ATP8B4: variants seen among roughly 807,000 people sequenced by gnomAD.
The protein encoded by ATP8B4 is ATPase phospholipid transporting 8B4 (putative), also known as probable phospholipid-transporting ATPase IM.
In ATP8B4, 133 loss-of-function variants were observed where a neutral mutation model predicts 145.6. The ratio of observed to expected loss-of-function variants is 0.91; its 90% CI spans 0.79 to 1.05. ATP8B4 has a LOEUF of 1.05. ATP8B4 is among the 50% of genes least tolerant of loss of function. The probability of loss-of-function intolerance (pLI) is 0.00; values close to 1 mark genes in which losing one functional copy is unlikely to be tolerated. For synonymous variants in ATP8B4, 507 were observed against 492.9 expected, an observed-to-expected ratio of 1.03 and a Z score of -0.38; for missense variants, 1,458 against 1,425.2, an observed-to-expected ratio of 1.02 and a Z score of -0.37.
chr15:50,101,246 T>G (rs1288347822), intron 2 of ATP8B4, among the ~76,000 whole-genome samples: 1 of 152,044 alleles, frequency 6.6e-6, no homozygotes, highest in Non-Finnish European at 1.5e-5. Flanking sequence ...GTGATGATAA[T>G]GTGGGTATGC....
intron 1 of ATP8B4, among the ~76,000 whole-genome samples, chr15:50,179,846 A>G (rs2140885557): frequency 6.6e-6 from 1 of 152,334 alleles, no homozygotes; most frequent in Non-Finnish European, 1.5e-5. Flanking sequence ...TGTTGTTTAT[A>G]AACTACCCAG....
intron 6 of ATP8B4, among the ~76,000 whole-genome samples, chr15:50,035,638 T>G (rs1183524997): frequency 6.6e-6 from 1 of 152,196 alleles, no homozygotes; most frequent in African/African-American, 2.4e-5. Flanking sequence ...AATAAACGTG[T>G]TGAATCTGAA....
Position 49,866,368 on chromosome 15 carries a change from G to A in ATP8B4, c.3144C>T (p.Phe1048=). 2 of 1,614,010 alleles carry A rather than the reference G, an allele frequency of 1.2e-6. No homozygotes were observed. Among genetic ancestry groups the A allele is most frequent in the Non-Finnish European group, 1.7e-6 (2 of 1,179,882 alleles). The change falls in exon 26 of 28, where the codon TTC becomes TTT. Residue 1048 remains phenylalanine (F), a synonymous_variant. Coordinates refer to ENST00000284509, the MANE Select transcript of ATP8B4 (RefSeq NM_024837.4). ...TMHSNGIFGI[F]PNQFPFVGNA... ...TACCAACAAATGGAAACTGGTTTGGGAAGATGCCAAAGATGCCATTACTGT... is the reference window on the plus strand; with the variant it reads ...TACCAACAAATGGAAACTGGTTTGGAAAGATGCCAAAGATGCCATTACTGT...
At chr15:49,915,293 A>C (rs1239461777) in intron 20 of ATP8B4, among the ~76,000 whole-genome samples, 2 of 152,294 alleles carry the variant, frequency 1.3e-5, no homozygotes, top group South Asian at 2.1e-4. Context: ...GATACCAGAC[A>C]CTAGGAAGGT....
At chr15:50,117,036 GTTTTTTA>G in intron 1 of ATP8B4, among the ~76,000 whole-genome samples, 1 of 151,896 alleles carries the variant, frequency 6.6e-6, no homozygotes, top group South Asian at 2.1e-4. Context: ...ATTAAGTTTT[GTTTTTTA>G]TTTTTTATTT....
At chr15:50,113,838 C>CAAAAAAAAAAAAAAAAAAAAA (rs67648465) in intron 1 of ATP8B4, among the ~76,000 whole-genome samples, 1 of 67,274 alleles carries the variant, frequency 1.5e-5, no homozygotes, top group African/African-American at 6.5e-5. Context: ...AACTCCATCT[C>CAAAAAAAAAAAAAAAAAAAAA]AAAAAAAAAA....
At chr15:50,150,043 G>A (rs2044327432) in intron 1 of ATP8B4, among the ~76,000 whole-genome samples, 1 of 151,986 alleles carries the variant, frequency 6.6e-6, no homozygotes, top group Admixed American at 6.5e-5. Context: ...GGAGGTTGCA[G>A]TGAGCCAAGA....
rs1476222913 is a variant in ATP8B4, at chr15:49,918,947, G to A, written c.1927C>T (p.Leu643=). 1 of 1,605,904 alleles carries A rather than the reference G, an allele frequency of 6.2e-7. No individual in the cohort carries two copies. Among genetic ancestry groups the A allele is most frequent in the Non-Finnish European group, 8.5e-7 (1 of 1,174,620 alleles). Residue 643 remains leucine, a synonymous_variant, in exon 19 of 28, where the codon CTA becomes TTA. Coordinates refer to ENST00000284509, the MANE Select transcript of ATP8B4 (RefSeq NM_024837.4). ...TTATCTTCTACAGCAGTGGCACCTA[G>A]TAGCTTTATTGAAAAAGAGAGAAAA... The part of the protein sequence containing the change: ...YEEIERDLML[L]GATAVEDKLQ...
intron 2 of ATP8B4, among the ~76,000 whole-genome samples, chr15:50,104,289 C>A (rs1014006408): frequency 2.0e-5 from 3 of 151,992 alleles, no homozygotes; most frequent in Admixed American, 2.0e-4. Flanking sequence ...AGCCAATAGA[C>A]AACCCACAGT....
intron 10 of ATP8B4, among the ~76,000 whole-genome samples, chr15:49,983,704 G>A (rs2046352991): frequency 1.3e-5 from 2 of 152,146 alleles, no homozygotes; most frequent in Non-Finnish European, 2.9e-5. Flanking sequence ...ACTTACAATG[G>A]CGTCCCTAAG....
At chr15:49,874,860 T>A (rs1330324055) in intron 25 of ATP8B4, among the ~76,000 whole-genome samples, 1 of 152,114 alleles carries the variant, frequency 6.6e-6, no homozygotes, top group East Asian at 1.9e-4. Flanking sequence ...ATTTCAACAT[T>A]CAACTGGAAT....
rs2039164960 is a variant in ATP8B4, at chr15:49,910,974, T to C, written c.2141+5960A>G. ...CAACACATAAAAGTGCAAAACTCAC[T>C]GGTAAAGCAAACACACCAATGAGGA... On this transcript the variant is annotated intron_variant, in intron 20 of 27. Coordinates refer to ENST00000284509, the MANE Select transcript of ATP8B4 (RefSeq NM_024837.4). Among the ~76,000 whole-genome samples, 2 of 151,908 alleles carry C rather than the reference T, an allele frequency of 1.3e-5. 1 individual carries two copies. Among genetic ancestry groups the C allele is most frequent in the South Asian group, 4.1e-4 (2 of 4,822 alleles).
chr15:49,903,889 C>T (rs191511103), intron 20 of ATP8B4, among the ~76,000 whole-genome samples: 31 of 143,950 alleles, frequency 2.2e-4, no homozygotes, highest in Admixed American at 9.5e-4. Context: ...AGCAAAACTC[C>T]GTCTCAAAAA....
chr15:50,100,020 A>G (rs977340286), intron 2 of ATP8B4, among the ~76,000 whole-genome samples: 1 of 143,132 alleles, frequency 7.0e-6, no homozygotes, highest in African/African-American at 2.6e-5. Context: ...GGGCAACAAG[A>G]GCAAAACTCC....
intron 1 of ATP8B4, among the ~76,000 whole-genome samples, chr15:50,173,800 G>A (rs1341573685): frequency 6.6e-6 from 1 of 151,972 alleles, no homozygotes; most frequent in Non-Finnish European, 1.5e-5. Flanking sequence ...TATGAAGCCA[G>A]CATCACCCTA....
rs535917534 is a variant in ATP8B4, at chr15:50,010,815, T to C, written c.435+30A>G. The C allele has an allele frequency of 1.1e-5, 16 of 1,399,992 alleles. No homozygotes were observed. The South Asian group carries it at 1.4e-4, about 12-fold the overall frequency. The allele number at this position is 1,399,992 out of a possible 1,614,324, so 86.7% of individuals were successfully genotyped here. A position where few individuals can be genotyped will look rare whatever the true frequency, so the allele number is the denominator to read the frequency against. ...ATATATATGCTACTTTAATCTGAGA[T>C]AAATTATTCAAACAATATTGAATAC... On this transcript the variant is annotated intron_variant, in intron 7 of 27. Coordinates refer to ENST00000284509, the MANE Select transcript of ATP8B4 (RefSeq NM_024837.4).
intron 15 of ATP8B4, among the ~76,000 whole-genome samples, chr15:49,933,382 G>C (rs760986419): frequency 3.9e-5 from 6 of 151,968 alleles, no homozygotes; most frequent in Non-Finnish European, 8.8e-5. Flanking sequence ...TTCAACTAGG[G>C]CAAGAAGCCA....
chr15:49,974,850 T>C (rs11638489), intron 12 of ATP8B4, among the ~76,000 whole-genome samples: 1,615 of 152,314 alleles, frequency 0.011, 12 homozygotes, highest in Non-Finnish European at 0.018. Flanking sequence ...GCTGGGATGC[T>C]TTCTGTGTCA....
chr15:50,060,087 C>A (rs529270345), intron 3 of ATP8B4, among the ~76,000 whole-genome samples: 10 of 152,204 alleles, frequency 6.6e-5, no homozygotes, highest in African/African-American at 1.9e-4. Flanking sequence ...GCACTTGCCT[C>A]GGCCGAGCCA....
Sources: allele counts gnomAD v4.1 joint callset (sites outside exome capture counted in the v4.1 genomes callset), GRCh38; gene constraint gnomAD v4.1.1; transcripts MANE v1.5; gene names NCBI Gene and HGNC (gene_info 2026-07-23, HGNC 2026-07-21).